The following ICA1 variants were observed in gnomAD, a reference collection of about 807,000 sequenced individuals.
ICA1 encodes islet cell autoantigen 1.
ICA1 carries 40 observed loss-of-function variants against 71.0 expected under a neutral mutation model. That is an observed-to-expected ratio of 0.56 (90% confidence interval 0.44 to 0.73). The LOEUF (loss-of-function observed/expected upper bound fraction) is 0.73. Ranked by LOEUF, ICA1 falls within the 30% of genes least tolerant of loss-of-function variation. The probability of loss-of-function intolerance (pLI) is 0.00; values close to 1 mark genes in which losing one functional copy is unlikely to be tolerated. For missense variants in ICA1, 578 were observed against 576.5 expected, an observed-to-expected ratio of 1.00 and a Z score of -0.03; for synonymous variants, 207 against 209.5, an observed-to-expected ratio of 0.99 and a Z score of 0.10.
intron 1 of ICA1, among the ~76,000 whole-genome samples, chr7:8,261,710 G>A (rs1812480021): frequency 6.6e-6 from 1 of 151,500 alleles, no homozygotes; most frequent in African/African-American, 2.4e-5. Flanking sequence ...GGAGCTCGGG[G>A]TCCTGGGGCC....
rs1202883658 is a variant in ICA1 at position 8,173,665 on chromosome 7, G to A, written c.580-15013C>T. The stretch of plus-strand genomic sequence containing the variant: ...GAATATAATCTGTTTCCAGTAGCAG[G>A]CCTGTCTTTCCAAGGTACTATTTCA... On this transcript the variant is annotated intron_variant, in intron 6 of 13. Coordinates refer to ENST00000402384, the MANE Select transcript of ICA1 (RefSeq NM_001136020.3). The surrounding 1 kb of genome is among the most constrained non-coding windows in gnomAD (Gnocchi z 4.0). Among the ~76,000 whole-genome samples the A allele has an allele frequency of 2.0e-5, 3 of 152,186 alleles. No individual in the cohort carries two copies. Among genetic ancestry groups the A allele is most frequent in the Non-Finnish European group, 4.4e-5 (3 of 68,028 alleles).
At position 8,222,396 on chromosome 7, in the gene ICA1, CT is replaced by C. The variant is rs1444892133; in HGVS notation, c.257-999del. ...TACTATCAACATACTTTGAACACTA[CT>C]TTTATTTCCTATTTCTGTATTGATG... On this transcript the variant is annotated intron_variant, in intron 4 of 13. Transcript: ENST00000402384. This position sits in a 1 kb window ranked among gnomAD's most constrained non-coding sequence, Gnocchi z 4.8. 1.3e-5 allele frequency among the ~76,000 whole-genome samples: 2 copies of C among 152,168 alleles called. No homozygotes were observed. Among genetic ancestry groups the C allele is most frequent in the Non-Finnish European group, 2.9e-5 (2 of 68,036 alleles).
Position 8,235,972 on chromosome 7 carries a change from G to C in ICA1, c.-46C>G. 1 of 1,591,534 alleles carries C rather than the reference G, an allele frequency of 6.3e-7. No homozygotes were observed. The highest frequency in any genetic ancestry group is 8.6e-7 in the Non-Finnish European group (1 of 1,164,982). Reference sequence around the variant, plus strand: ...TTGATGATTTGGGGAGAAGGGGCAGGAAAAAAGCATGAGAGGATAAGTTAT... The same window carrying C: ...TTGATGATTTGGGGAGAAGGGGCAGCAAAAAAGCATGAGAGGATAAGTTAT... On this transcript the variant is annotated 5_prime_UTR_variant, in exon 2 of 14. Coordinates refer to ENST00000402384, the MANE Select transcript of ICA1 (RefSeq NM_001136020.3).
intron 6 of ICA1, among the ~76,000 whole-genome samples, chr7:8,179,759 T>G (rs1240962651): frequency 6.6e-6 from 1 of 151,932 alleles, no homozygotes; most frequent in South Asian, 2.1e-4. Flanking sequence ...GAGAACTTTT[T>G]TTTTTCCCAC....
intron 6 of ICA1, among the ~76,000 whole-genome samples, chr7:8,180,713 G>C (rs1317497408): frequency 6.6e-6 from 1 of 152,022 alleles, no homozygotes; most frequent in Non-Finnish European, 1.5e-5. Flanking sequence ...CCTGATGATT[G>C]ATAGTGTAAG....
intron 8 of ICA1, chr7:8,156,787 C>T (rs1366472875): frequency 6.9e-7 from 1 of 1,447,992 alleles, no homozygotes; most frequent in African/African-American, 1.4e-5. Flanking sequence ...CAATGTCAAA[C>T]AAGTATTTTA....
chr7:8,121,279 TCCAGCCAG>T (rs971865483), intron 13 of ICA1, among the ~76,000 whole-genome samples: 1 of 152,098 alleles, frequency 6.6e-6, no homozygotes, highest in Non-Finnish European at 1.5e-5. Context: ...TTGCCTGCCA[TCCAGCCAG>T]CCAGCCAGCC....
chr7:8,171,733 T>C (rs1031514118), intron 6 of ICA1, among the ~76,000 whole-genome samples: 1 of 151,876 alleles, frequency 6.6e-6, no homozygotes, highest in Non-Finnish European at 1.5e-5. Flanking sequence ...CCTTATTTTC[T>C]AATAATTAAT....
At chr7:8,208,768 G>C (rs1792550289) in intron 6 of ICA1, among the ~76,000 whole-genome samples, 1 of 152,178 alleles carries the variant, frequency 6.6e-6, no homozygotes, top group East Asian at 1.9e-4. Flanking sequence ...AAGAGACAGA[G>C]GCCAGCGGAA....
At chr7:8,260,301 C>T (rs183065178) in intron 1 of ICA1, among the ~76,000 whole-genome samples, 28 of 152,230 alleles carry the variant, frequency 1.8e-4, no homozygotes, top group Non-Finnish European at 4.4e-5. Flanking sequence ...ATTTTCTATA[C>T]TTTTCGTGAG....
intron 6 of ICA1, among the ~76,000 whole-genome samples, chr7:8,175,153 A>T (rs1780187784): frequency 6.6e-6 from 1 of 151,978 alleles, no homozygotes; most frequent in Non-Finnish European, 1.5e-5. Context: ...AGGGGCACAG[A>T]GTGGGCTGGC....
At chr7:8,131,493 A>G (rs1218693776) in intron 12 of ICA1, among the ~76,000 whole-genome samples, 1 of 152,178 alleles carries the variant, frequency 6.6e-6, no homozygotes, top group Non-Finnish European at 1.5e-5. Flanking sequence ...GCCTACACTG[A>G]GGTCTACCAA....
chr7:8,206,733 G>GA (rs60704635), intron 6 of ICA1, among the ~76,000 whole-genome samples: 2,329 of 135,344 alleles, frequency 0.017, 68 homozygotes, highest in African/African-American at 0.065. Context: ...GGTTTAAAAT[G>GA]AAAAAAAAAA....
At chr7:8,152,509 CACT>C (rs1465687845) in intron 8 of ICA1, among the ~76,000 whole-genome samples, 1 of 151,524 alleles carries the variant, frequency 6.6e-6, no homozygotes, top group African/African-American at 2.4e-5. Context: ...TTACCACCAC[CACT>C]ACCACTCACC....
chr7:8,141,885 T>A, intron 9 of ICA1, 68 bp from the exon 10 acceptor site: 1 of 1,351,850 alleles, frequency 7.4e-7, no homozygotes, highest in Admixed American at 1.9e-5. Context: ...AGCCAGACTT[T>A]CAGTACAATA....
intron 1 of ICA1, among the ~76,000 whole-genome samples, chr7:8,256,393 C>G (rs1810194125): frequency 6.6e-6 from 1 of 152,182 alleles, no homozygotes; most frequent in South Asian, 2.1e-4. Context: ...TCCCCACCCT[C>G]CGATAGAACT....
intron 8 of ICA1, among the ~76,000 whole-genome samples, chr7:8,154,053 A>G (rs951588099): frequency 6.6e-6 from 1 of 151,894 alleles, no homozygotes; most frequent in Non-Finnish European, 1.5e-5. Flanking sequence ...ACAAAAATCT[A>G]TTTATTATAA....
chr7:8,240,135 C>T (rs1246449711), intron 1 of ICA1, among the ~76,000 whole-genome samples: 1 of 152,240 alleles, frequency 6.6e-6, no homozygotes, highest in Non-Finnish European at 1.5e-5. Flanking sequence ...GAGACACCTC[C>T]CAGTAGGGGC....
rs1005269892 is a variant in ICA1, at chr7:8,144,631, T to C, written c.805-659A>G. Among the ~76,000 whole-genome samples, 1 of 74,814 alleles carries C rather than the reference T, an allele frequency of 1.3e-5. No homozygotes were observed. Among genetic ancestry groups the C allele is most frequent in the Non-Finnish European group, 3.0e-5 (1 of 33,522 alleles). The allele number at this position is 74,814 out of a possible 152,430, so 49.1% of individuals were successfully genotyped here. ...GTTACTATTTTCAAGGTTAACTAAA[T>C]ATTTAAGTTTTTTTTTTTAAACAGC... On this transcript the variant is annotated intron_variant, in intron 8 of 13. Coordinates refer to ENST00000402384, the MANE Select transcript of ICA1 (RefSeq NM_001136020.3). The surrounding 1 kb of genome is among the most constrained non-coding windows in gnomAD (Gnocchi z 4.5).
Sources: allele counts gnomAD v4.1 joint callset (sites outside exome capture counted in the v4.1 genomes callset), GRCh38; gene constraint gnomAD v4.1.1; non-coding constraint Gnocchi (gnomAD v3.1); transcripts MANE v1.5; gene names NCBI Gene and HGNC (gene_info 2026-07-23, HGNC 2026-07-21).